RBM18: variants seen among roughly 807,000 people sequenced by gnomAD.
RBM18 encodes probable RNA-binding protein 18.
Under a neutral mutation model 26.4 loss-of-function variants are expected in RBM18, and 18 were observed. That is an observed-to-expected ratio of 0.68 (90% CI 0.47 to 1.01). The LOEUF (loss-of-function observed/expected upper bound fraction) is 1.01, where lower values mean the gene tolerates loss of function less well. RBM18 is among the 50% of genes least tolerant of loss of function. The pLI, the probability that RBM18 is intolerant of heterozygous loss-of-function variation, is 0.00. For missense variants in RBM18, 180 were observed against 219.2 expected (o/e 0.82, Z 1.13); for synonymous variants, 74 against 81.1 (o/e 0.91, Z 0.47).
At chr9:122,246,446 T>C (rs188049433) in intron 4 of RBM18, among the ~76,000 whole-genome samples, 9 of 152,336 alleles carry the variant, frequency 5.9e-5, no homozygotes, top group Non-Finnish European at 2.9e-5. Context: ...GGAGGATGAT[T>C]TCTCTTGCGT....
chr9:122,244,714 T>C (rs1474019642), intron 5 of RBM18, among the ~76,000 whole-genome samples: 2 of 152,152 alleles, frequency 1.3e-5, no homozygotes, highest in Non-Finnish European at 2.9e-5. Flanking sequence ...AAACCCACCT[T>C]CTACTTCTGC....
chr9:122,257,293 C>T (rs1831713527), intron 2 of RBM18, among the ~76,000 whole-genome samples: 1 of 152,162 alleles, frequency 6.6e-6, no homozygotes, highest in African/African-American at 2.4e-5. Flanking sequence ...AGGCACCCAC[C>T]ACCATGCCCA....
chr9:122,239,913 C>A lies in RBM18; in HGVS notation c.*1971G>T, dbSNP rs1202451086. The A allele has an allele frequency of 6.6e-6, 1 of 152,238 alleles. No individual in the cohort carries two copies. Among genetic ancestry groups the A allele is most frequent in the African/African-American group, 2.4e-5 (1 of 41,456 alleles). The allele number at this position is 152,238 out of a possible 1,614,324, so 9.4% of individuals were successfully genotyped here. Reference sequence around the variant, plus strand: ...GAAGGCACTTAGAAGAAGCACCCCACGTGGACATGCTGGCCAGAGTCCTGA... The same window carrying A: ...GAAGGCACTTAGAAGAAGCACCCCAAGTGGACATGCTGGCCAGAGTCCTGA... On this transcript the variant is annotated 3_prime_UTR_variant, in exon 6 of 6. Coordinates refer to ENST00000417201, the MANE Select transcript of RBM18 (RefSeq NM_033117.4).
chr9:122,242,797 A>G (rs183745826), intron 5 of RBM18, among the ~76,000 whole-genome samples: 18 of 152,130 alleles, frequency 1.2e-4, no homozygotes, highest in Admixed American at 6.5e-5. Context: ...AGGTAGGGCT[A>G]CAGGCACACA....
intron 2 of RBM18, among the ~76,000 whole-genome samples, chr9:122,253,397 A>T (rs1389302001): frequency 6.6e-6 from 1 of 152,176 alleles, no homozygotes; most frequent in Non-Finnish European, 1.5e-5. Context: ...CATATTGTGG[A>T]TATTAATCTG....
intron 3 of RBM18, among the ~76,000 whole-genome samples, chr9:122,251,136 C>A (rs751886238): frequency 9.2e-5 from 14 of 152,032 alleles, no homozygotes; most frequent in Admixed American, 4.6e-4. Flanking sequence ...CCAGGCTGGT[C>A]TCAAACAATC....
intron 5 of RBM18, among the ~76,000 whole-genome samples, chr9:122,244,223 T>C (rs558462328): frequency 6.6e-6 from 1 of 152,296 alleles, no homozygotes; most frequent in African/African-American, 2.4e-5. Flanking sequence ...CCTGAAAACA[T>C]TTCAGGAACA....
At chr9:122,251,731 GA>G (rs1391239848) in intron 3 of RBM18, 115 bp downstream of exon 3, 2 of 862,802 alleles carry the variant, frequency 2.3e-6, no homozygotes, top group Non-Finnish European at 3.6e-6. Flanking sequence ...GCACACAGAT[GA>G]ATCAGACATG....
intron 4 of RBM18, 97 bp from the exon 5 acceptor site, chr9:122,245,438 C>A: frequency 1.5e-6 from 1 of 679,936 alleles, no homozygotes; most frequent in Non-Finnish European, 2.6e-6. Context: ...AGTATATCAT[C>A]AGCTTACTTC....
At chr9:122,257,138 C>G (rs183260143) in intron 2 of RBM18, among the ~76,000 whole-genome samples, 3 of 152,150 alleles carry the variant, frequency 2.0e-5, no homozygotes, top group Admixed American at 6.5e-5. Context: ...TGCAGCGGCG[C>G]GATCTCGGCT....
At chr9:122,244,478 C>A (rs1189814192) in intron 5 of RBM18, among the ~76,000 whole-genome samples, 1 of 152,194 alleles carries the variant, frequency 6.6e-6, no homozygotes, top group Non-Finnish European at 1.5e-5. Context: ...GTAGTAACTA[C>A]AAGACTGAAT....
Position 122,237,849 on chromosome 9 carries a change from G to C in RBM18, c.*4035C>G, listed in dbSNP as rs1311467027. ...AAAACAGCCACATGTAAATGCCTGG[G>C]CATGGTTGTGTTCTAATAGTTATTA... On this transcript the variant is annotated 3_prime_UTR_variant, in exon 6 of 6. Coordinates refer to ENST00000417201, the MANE Select transcript of RBM18 (RefSeq NM_033117.4). 2.0e-5 allele frequency: 3 copies of C among 152,090 alleles called. No homozygotes were observed. The highest frequency in any genetic ancestry group is 4.4e-5 in the Non-Finnish European group (3 of 68,020). The allele number at this position is 152,090 out of a possible 1,614,324, so 9.4% of individuals were successfully genotyped here. A position where few individuals can be genotyped will look rare whatever the true frequency, so the allele number is the denominator to read the frequency against.
intron 2 of RBM18, among the ~76,000 whole-genome samples, chr9:122,255,600 T>G (rs529535068): frequency 1.3e-5 from 2 of 152,222 alleles, no homozygotes; most frequent in Non-Finnish European, 2.9e-5. Context: ...GCAAGAAACC[T>G]CAGGATCACC....
In RBM18 at chr9:122,251,382, C is replaced by A. The variant is rs181823157; in HGVS notation, c.240+465G>T. Among the ~76,000 whole-genome samples, 10 of 152,222 alleles carry A rather than the reference C, an allele frequency of 6.6e-5. No individual in the cohort carries two copies. In the East Asian group the frequency reaches 1.7e-3, roughly 26 times the overall value. The stretch of plus-strand genomic sequence containing the variant: ...TATATATCATGGTTGAAGGTGAATG[C>A]GCTCTTCTACATACATTAAAATTTA... On this transcript the variant is annotated intron_variant, in intron 3 of 5. Coordinates refer to ENST00000417201, the MANE Select transcript of RBM18 (RefSeq NM_033117.4).
intron 2 of RBM18, among the ~76,000 whole-genome samples, chr9:122,257,015 T>G (rs895765488): frequency 2.0e-5 from 3 of 152,190 alleles, no homozygotes; most frequent in Non-Finnish European, 4.4e-5. Flanking sequence ...AATCCTAATC[T>G]CCAAGATGTA....
At chr9:122,243,635 G>T in intron 5 of RBM18, 2 of 738,908 alleles carry the variant, frequency 2.7e-6, no homozygotes, top group Non-Finnish European at 3.3e-6. Context: ...TGGCCAGTGA[G>T]AGAAACTTGG....
At chr9:122,253,129 A>C (rs1409058433) in intron 2 of RBM18, among the ~76,000 whole-genome samples, 2 of 152,224 alleles carry the variant, frequency 1.3e-5, no homozygotes, top group African/African-American at 4.8e-5. Flanking sequence ...TCTACCCCAC[A>C]GGGAGTCAGT....
At chr9:122,255,001 G>A (rs1349994793) in intron 2 of RBM18, among the ~76,000 whole-genome samples, 1 of 152,156 alleles carries the variant, frequency 6.6e-6, no homozygotes. Flanking sequence ...GGAGTAGAGT[G>A]GGGGTAGCCA....
intron 2 of RBM18, 74 bp from the exon 3 acceptor site, chr9:122,252,047 A>T: frequency 6.3e-7 from 1 of 1,583,930 alleles, no homozygotes; most frequent in Non-Finnish European, 8.6e-7. Context: ...GTGAGATAAA[A>T]GCAGGAGATA....
Sources: gnomAD v4.1 joint callset for allele counts (sites outside exome capture counted in the v4.1 genomes callset) on GRCh38, gnomAD v4.1.1 for gene constraint, MANE v1.5 for transcripts, NCBI Gene and HGNC (gene_info 2026-07-23, HGNC 2026-07-21) for gene names.